Variants in SLC25A26 observed in about 807,000 individuals in gnomAD.
SLC25A26 encodes solute carrier family 25 member 26.
A neutral mutation model predicts 37.8 loss-of-function variants in SLC25A26; 36 were observed. The observed-to-expected ratio is 0.95, with a 90% CI of 0.73 to 1.26. The LOEUF (loss-of-function observed/expected upper bound fraction) is 1.26. Ranked by LOEUF, SLC25A26 falls within the 50% of genes most tolerant of loss-of-function variation. SLC25A26 has a pLI of 0.00. For missense variants in SLC25A26, 390 were observed against 331.1 expected (o/e 1.18, Z -1.38); for synonymous variants, 129 against 122.5 (o/e 1.05, Z -0.35).
chr3:66,158,182 T>C (rs2070310136), intron 1 of SLC25A26, among the ~76,000 whole-genome samples: 1 of 152,198 alleles, frequency 6.6e-6, no homozygotes, highest in African/African-American at 2.4e-5. Context: ...ACGGCAGCCT[T>C]TTTGAGGCTT....
At chr3:66,280,925 A>G (rs1042646113) in intron 5 of SLC25A26, among the ~76,000 whole-genome samples, 4 of 152,152 alleles carry the variant, frequency 2.6e-5, no homozygotes, top group African/African-American at 7.2e-5. Context: ...CACCCAAGAA[A>G]TTTAATATTC....
intron 5 of SLC25A26, among the ~76,000 whole-genome samples, chr3:66,263,884 T>C (rs1479245343): frequency 6.6e-6 from 1 of 152,064 alleles, no homozygotes; most frequent in Non-Finnish European, 1.5e-5. Context: ...GGTCTCAATC[T>C]CCTGACCTCA....
chr3:66,377,032 G>A (rs1343805407), intron 9 of SLC25A26, among the ~76,000 whole-genome samples: 1 of 152,040 alleles, frequency 6.6e-6, no homozygotes, highest in South Asian at 2.1e-4. Context: ...GAAAATTTTT[G>A]AACAAATATC....
At chr3:66,354,599 C>G (rs749507528) in intron 6 of SLC25A26, among the ~76,000 whole-genome samples, 5 of 152,146 alleles carry the variant, frequency 3.3e-5, no homozygotes, top group Non-Finnish European at 5.9e-5. Flanking sequence ...GTTAAAATGT[C>G]TACCACCACC....
chr3:66,237,760 A>G (rs888531244), intron 2 of SLC25A26, among the ~76,000 whole-genome samples: 1 of 152,228 alleles, frequency 6.6e-6, no homozygotes, highest in African/African-American at 2.4e-5. Context: ...CAACAAAACA[A>G]AAAATCACCA....
At chr3:66,255,759 A>T (rs1356532801) in intron 3 of SLC25A26, among the ~76,000 whole-genome samples, 3 of 152,212 alleles carry the variant, frequency 2.0e-5, no homozygotes, top group African/African-American at 4.8e-5. Context: ...TTGTAGCTCA[A>T]ATTCAAATCT....
chr3:66,298,661 C>T (rs928302717), intron 5 of SLC25A26, among the ~76,000 whole-genome samples: 2 of 152,144 alleles, frequency 1.3e-5, no homozygotes, highest in African/African-American at 4.8e-5. Flanking sequence ...GTTGAATTGA[C>T]TTTTTCCTCA....
Position 66,243,198 on chromosome 3 carries a change from T to A in SLC25A26, c.191-5T>A, listed in dbSNP as rs1321459107. 6.5e-7 allele frequency: 1 copy of A among 1,540,706 alleles called. No homozygotes were observed. The highest frequency in any genetic ancestry group is 8.9e-7 in the Non-Finnish European group (1 of 1,121,390). The stretch of plus-strand genomic sequence containing the variant: ...TGTGAAAGACTGGCTTGTTTTAAAT[T>A]TCAGCTGCTGCATTTTTTATCACCT... On this transcript the variant is annotated splice_polypyrimidine_tract_variant and splice_region_variant and intron_variant, in intron 2 of 9. Transcript: ENST00000354883.
chr3:66,237,547 G>T (rs187293339), intron 2 of SLC25A26, among the ~76,000 whole-genome samples: 40 of 152,364 alleles, frequency 2.6e-4, no homozygotes, highest in African/African-American at 8.4e-4. Flanking sequence ...CATGATGCAA[G>T]TGTTTCTCAC....
upstream of SLC25A26, among the ~76,000 whole-genome samples, chr3:66,218,008 G>A (rs2071386993): frequency 6.6e-6 from 1 of 151,960 alleles, no homozygotes; most frequent in Admixed American, 6.5e-5. Context: ...TCAATACTTT[G>A]CCTCTACCTC....
chr3:66,219,796 C>G (rs2071419948), upstream of SLC25A26, among the ~76,000 whole-genome samples: 1 of 152,122 alleles, frequency 6.6e-6, no homozygotes, highest in African/African-American at 2.4e-5. Flanking sequence ...GAGCCAGGAA[C>G]TAGGCTAAGA....
At chr3:66,299,522 T>G (rs1220325017) in intron 5 of SLC25A26, among the ~76,000 whole-genome samples, 3 of 152,196 alleles carry the variant, frequency 2.0e-5, no homozygotes, top group Admixed American at 2.0e-4. Context: ...CCTTTCATAC[T>G]AATATTTAAC....
Position 66,168,820 on chromosome 3 carries a change from T to C in SLC25A26, c.-354+34836T>C, listed in dbSNP as rs534852360. Among the ~76,000 whole-genome samples the C allele has an allele frequency of 2.0e-5, 3 of 152,280 alleles. No homozygotes were observed. In the South Asian group the frequency reaches 6.2e-4, roughly 32 times the overall value. On this transcript the variant is annotated intron_variant, in intron 1 of 10. Coordinates refer to the SLC25A26 transcript ENST00000676754. ...AGCCATGCAGGTTTTCCTGATAGGGTATTTGATAATTGAAAAAATGGCCAG... is the reference window on the plus strand; with the variant it reads ...AGCCATGCAGGTTTTCCTGATAGGGCATTTGATAATTGAAAAAATGGCCAG...
In SLC25A26 at chr3:66,234,160, A is replaced by G. The variant is rs143435950; in HGVS notation, c.34-2384A>G. On this transcript the variant is annotated intron_variant, in intron 1 of 9. Transcript: ENST00000354883. ...GTGGTGGCTATTCATGGGCATAATCATAGCTCACTGTAATCTCAAATTCCT... is the reference window on the plus strand; with the variant it reads ...GTGGTGGCTATTCATGGGCATAATCGTAGCTCACTGTAATCTCAAATTCCT... Among the ~76,000 whole-genome samples, 1,444 of 152,268 alleles carry G rather than the reference A, an allele frequency of 9.5e-3. 29 individuals are homozygous for G. The highest frequency in any genetic ancestry group is 0.033 in the African/African-American group (1,365 of 41,554).
At chr3:66,276,655 T>C (rs750541303) in intron 5 of SLC25A26, among the ~76,000 whole-genome samples, 100 of 152,096 alleles carry the variant, frequency 6.6e-4, no homozygotes, top group Admixed American at 1.0e-3. Flanking sequence ...CTGTGCTGCA[T>C]CATATGTTCT....
intron 1 of SLC25A26, among the ~76,000 whole-genome samples, chr3:66,138,092 C>T (rs1220018508): frequency 6.6e-6 from 1 of 152,160 alleles, no homozygotes; most frequent in Non-Finnish European, 1.5e-5. Flanking sequence ...CCTCAGCCTC[C>T]CAAAGTGCTG....
At chr3:66,243,556 A>T (rs1005763423) in intron 3 of SLC25A26, among the ~76,000 whole-genome samples, 2 of 152,244 alleles carry the variant, frequency 1.3e-5, no homozygotes, top group South Asian at 2.1e-4. Flanking sequence ...GATGTAAAAC[A>T]TAATTATATG....
intron 5 of SLC25A26, among the ~76,000 whole-genome samples, chr3:66,295,240 T>TA (rs1419179287): frequency 6.6e-6 from 1 of 152,076 alleles, no homozygotes; most frequent in Middle Eastern, 3.2e-3. Context: ...TGTGTTTTTT[T>TA]TGAGACGGAG....
Position 66,310,001 on chromosome 3 carries a change from G to C in SLC25A26, c.454-36363G>C, listed in dbSNP as rs2075332118. On this transcript the variant is annotated intron_variant, in intron 5 of 9. Transcript: ENST00000354883. ...TTGATTTGGGGTGGAGAGTTCTGTA[G>C]ATGTCAGTCAGGTCCCCTCGGTCCG... Among the ~76,000 whole-genome samples, 4 of 152,302 alleles carry C rather than the reference G, an allele frequency of 2.6e-5. No individual in the cohort carries two copies. In the Middle Eastern group the frequency reaches 0.01, roughly 389 times the overall value.
Sources: gnomAD v4.1 joint callset for allele counts (sites outside exome capture counted in the v4.1 genomes callset) on GRCh38, gnomAD v4.1.1 for gene constraint, MANE v1.5 for transcripts, NCBI Gene and HGNC (gene_info 2026-07-23, HGNC 2026-07-21) for gene names.